CCSER1: variants seen among roughly 807,000 people sequenced by gnomAD.
CCSER1 encodes the protein coiled-coil serine rich protein 1, also known as serine-rich coiled-coil domain-containing protein 1.
A neutral mutation model predicts 82.0 loss-of-function variants in CCSER1; 41 were observed. The ratio of observed to expected loss-of-function variants is 0.50; its 90% CI spans 0.39 to 0.65. CCSER1 has a LOEUF of 0.65. CCSER1 is among the 30% of genes least tolerant of loss of function. The pLI, the probability that CCSER1 is intolerant of heterozygous loss-of-function variation, is 0.00. For synonymous variants in CCSER1, 414 were observed against 383.9 expected, an observed-to-expected ratio of 1.08 and a Z score of -0.92; for missense variants, 1,119 against 1,064.2, an observed-to-expected ratio of 1.05 and a Z score of -0.72.
At chr4:90,956,778 T>C (rs1433036803) in intron 9 of CCSER1, among the ~76,000 whole-genome samples, 9 of 151,596 alleles carry the variant, frequency 5.9e-5, no homozygotes, top group Non-Finnish European at 1.0e-4. Flanking sequence ...TTTTTTTTTT[T>C]TTTTCTTTAA....
intron 3 of CCSER1, among the ~76,000 whole-genome samples, chr4:90,318,706 A>G (rs1736593217): frequency 6.6e-6 from 1 of 152,164 alleles, no homozygotes; most frequent in Non-Finnish European, 1.5e-5. Flanking sequence ...ACACTTTACT[A>G]TTCATTTACT....
chr4:91,351,934 T>C (rs1348328800), intron 10 of CCSER1, among the ~76,000 whole-genome samples: 2 of 152,092 alleles, frequency 1.3e-5, no homozygotes, highest in East Asian at 3.9e-4. Context: ...GTACATAATA[T>C]AAATGATGAC....
chr4:90,843,435 A>T (rs1247208250), intron 8 of CCSER1, among the ~76,000 whole-genome samples: 4 of 152,198 alleles, frequency 2.6e-5, no homozygotes, highest in Non-Finnish European at 4.4e-5. Flanking sequence ...AAATATTCTT[A>T]ACCTGCATTA....
At chr4:90,172,120 C>T (rs906915540) in intron 1 of CCSER1, among the ~76,000 whole-genome samples, 5 of 151,922 alleles carry the variant, frequency 3.3e-5, no homozygotes, top group East Asian at 1.9e-4. Context: ...ATGTCAAATC[C>T]GCTGGATGGA....
chr4:90,753,609 G>T (rs1277339777), intron 7 of CCSER1, among the ~76,000 whole-genome samples: 2 of 151,928 alleles, frequency 1.3e-5, no homozygotes, highest in Non-Finnish European at 2.9e-5. Context: ...TTCTCACCTA[G>T]ACTACTGCAG....
intron 8 of CCSER1, among the ~76,000 whole-genome samples, chr4:90,847,787 T>C (rs568393604): frequency 6.6e-6 from 1 of 152,316 alleles, no homozygotes; most frequent in South Asian, 2.1e-4. Flanking sequence ...GATCTTCTAA[T>C]AATTTTTTGT....
At chr4:91,456,944 G>T (rs140248307) in intron 10 of CCSER1, among the ~76,000 whole-genome samples, 1 of 151,786 alleles carries the variant, frequency 6.6e-6, no homozygotes, top group Non-Finnish European at 1.5e-5. Flanking sequence ...TAATTCTTTC[G>T]TGTCATATAC....
chr4:90,669,240 C>A (rs2149136471), intron 6 of CCSER1, among the ~76,000 whole-genome samples: 1 of 152,094 alleles, frequency 6.6e-6, no homozygotes, highest in South Asian at 2.1e-4. Context: ...TTGAATTTCT[C>A]AAATTTTCTA....
chr4:91,496,294 G>C (rs1758801733), intron 10 of CCSER1, among the ~76,000 whole-genome samples: 1 of 151,102 alleles, frequency 6.6e-6, no homozygotes, highest in Non-Finnish European at 1.5e-5. Context: ...TTCTGTGCTT[G>C]TATCACCAGT....
intron 5 of CCSER1, among the ~76,000 whole-genome samples, chr4:90,521,347 G>A (rs530020128): frequency 1.4e-4 from 22 of 152,220 alleles, no homozygotes; most frequent in African/African-American, 4.6e-4. Flanking sequence ...TTTGTTTGTC[G>A]GAAAGGGTAG....
intron 7 of CCSER1, chr4:90,724,774 A>G (rs1465492255): frequency 3.6e-6 from 1 of 279,110 alleles, no homozygotes; most frequent in Non-Finnish European, 7.2e-6. Flanking sequence ...TTTTAAGATT[A>G]TCACTTTTAT....
intron 10 of CCSER1, among the ~76,000 whole-genome samples, chr4:91,159,326 G>A (rs1269989024): frequency 6.6e-6 from 1 of 151,822 alleles, no homozygotes; most frequent in African/African-American, 2.4e-5. Context: ...CCAGTAGATT[G>A]GAAACCATAT....
In CCSER1 at chr4:91,465,321, C is replaced by A. The variant is rs903445317; in HGVS notation, c.2218-133251C>A. Among the ~76,000 whole-genome samples, 4 of 152,184 alleles carry A rather than the reference C, an allele frequency of 2.6e-5. No individual in the cohort carries two copies. In the East Asian group the frequency reaches 7.7e-4, roughly 29 times the overall value. ...TTTGAAATCAATGGGAACAAGGACA[C>A]AACATATCAGAATCTCTGGGACACA... On this transcript the variant is annotated intron_variant, in intron 10 of 10. Coordinates refer to ENST00000509176, the MANE Select transcript of CCSER1 (RefSeq NM_001145065.2).
At chr4:90,898,160 G>A (rs1475753466) in intron 8 of CCSER1, among the ~76,000 whole-genome samples, 1 of 146,686 alleles carries the variant, frequency 6.8e-6, no homozygotes, top group Non-Finnish European at 1.5e-5. Flanking sequence ...TTGCTTTTGA[G>A]TTCTTTATCA....
chr4:90,783,211 T>C (rs1458361479), intron 7 of CCSER1, among the ~76,000 whole-genome samples: 1 of 152,142 alleles, frequency 6.6e-6, no homozygotes, highest in African/African-American at 2.4e-5. Context: ...CATTACTCCT[T>C]CCAAGCTTAT....
chr4:90,970,635 C>G (rs1455995561), intron 9 of CCSER1, among the ~76,000 whole-genome samples: 2 of 151,946 alleles, frequency 1.3e-5, no homozygotes, highest in Non-Finnish European at 2.9e-5. Flanking sequence ...CAGCAGAATG[C>G]ACATTTTTCT....
chr4:90,728,068 T>G lies in CCSER1; in HGVS notation c.2010+4077T>G, dbSNP rs1032891039. ...GATCAAAATTTAAAACAAACCTAAT[T>G]CATTGCATTTCTTGGCCCATTGACT... On this transcript the variant is annotated intron_variant, in intron 7 of 10. Coordinates refer to ENST00000509176, the MANE Select transcript of CCSER1 (RefSeq NM_001145065.2). Among the ~76,000 whole-genome samples the G allele has an allele frequency of 3.9e-5, 6 of 152,130 alleles. No homozygotes were observed. In the East Asian group the frequency reaches 7.7e-4, roughly 20 times the overall value.
chr4:90,200,837 A>G (rs1237585008), intron 1 of CCSER1, among the ~76,000 whole-genome samples: 1 of 152,142 alleles, frequency 6.6e-6, no homozygotes, highest in Admixed American at 6.6e-5. Flanking sequence ...GATTGTCAGT[A>G]CTTATATAGC....
At chr4:91,590,547 G>T (rs992211001) in intron 10 of CCSER1, among the ~76,000 whole-genome samples, 4 of 152,106 alleles carry the variant, frequency 2.6e-5, no homozygotes, top group African/African-American at 9.7e-5. Context: ...AGTGATGACA[G>T]GAAAAGGGCA....
Sources: gnomAD v4.1 joint callset for allele counts (sites outside exome capture counted in the v4.1 genomes callset) on GRCh38, gnomAD v4.1.1 for gene constraint, MANE v1.5 for transcripts, NCBI Gene and HGNC (gene_info 2026-07-23, HGNC 2026-07-21) for gene names.